DOCK1: variants seen among roughly 807,000 people sequenced by gnomAD.
DOCK1 encodes the protein dedicator of cytokinesis 1.
DOCK1 carries 138 observed loss-of-function variants against 262.7 expected under a neutral mutation model. The ratio of observed to expected loss-of-function variants is 0.53; its 90% CI spans 0.46 to 0.61. The LOEUF (loss-of-function observed/expected upper bound fraction) is 0.61, where lower values mean the gene tolerates loss of function less well. Among genes scored for constraint, DOCK1 ranks in the 20% least tolerant of loss-of-function variants. The pLI is 0.00. For synonymous variants in DOCK1, 866 were observed against 867.4 expected (o/e 1.00, Z 0.03); for missense variants, 1,908 against 2,370.7 (o/e 0.80, Z 4.05).
intron 33 of DOCK1, among the ~76,000 whole-genome samples, chr10:127,362,695 C>T (rs910978533): frequency 2.0e-5 from 3 of 152,138 alleles, no homozygotes; most frequent in Non-Finnish European, 4.4e-5. Flanking sequence ...ATAAAGTGCT[C>T]AAAACATACT....
intron 23 of DOCK1, among the ~76,000 whole-genome samples, chr10:127,097,538 G>A (rs1228703616): frequency 6.6e-6 from 1 of 152,118 alleles, no homozygotes; most frequent in Non-Finnish European, 1.5e-5. Flanking sequence ...GCCTGAGTGT[G>A]CATGGGACCC....
intron 1 of DOCK1, among the ~76,000 whole-genome samples, chr10:126,926,453 A>C (rs547408554): frequency 6.6e-6 from 1 of 152,190 alleles, no homozygotes; most frequent in Non-Finnish European, 1.5e-5. Context: ...ATGTCAACTT[A>C]AGGGAAAACA....
chr10:126,936,862 G>T (rs2034590054), intron 1 of DOCK1, among the ~76,000 whole-genome samples: 1 of 152,142 alleles, frequency 6.6e-6, no homozygotes, highest in African/African-American at 2.4e-5. Flanking sequence ...GGACATTCAT[G>T]TTGTGCAAAC....
intron 18 of DOCK1, among the ~76,000 whole-genome samples, chr10:127,032,591 T>G (rs1241069300): frequency 6.6e-6 from 1 of 152,218 alleles, no homozygotes; most frequent in Non-Finnish European, 1.5e-5. Flanking sequence ...TCTCGCTCTG[T>G]TGCCCAGGCT....
chr10:127,352,800 C>T (rs574250164), intron 31 of DOCK1, among the ~76,000 whole-genome samples: 1 of 152,248 alleles, frequency 6.6e-6, no homozygotes, highest in South Asian at 2.1e-4. Flanking sequence ...ACCATGTTGG[C>T]CAGGCTGGTC....
At chr10:127,318,017 G>A (rs904493477) in intron 29 of DOCK1, among the ~76,000 whole-genome samples, 1 of 152,120 alleles carries the variant, frequency 6.6e-6, no homozygotes, top group African/African-American at 2.4e-5. Context: ...AGCCTGTCTG[G>A]GGCATGGTCC....
At chr10:127,400,589 C>G (rs951580541) in intron 38 of DOCK1, among the ~76,000 whole-genome samples, 1 of 152,214 alleles carries the variant, frequency 6.6e-6, no homozygotes, top group Non-Finnish European at 1.5e-5. Context: ...CCAGTCTGAT[C>G]CCTAGATTCC....
At chr10:127,360,323 C>T (rs182315126) in intron 32 of DOCK1, among the ~76,000 whole-genome samples, 14 of 152,058 alleles carry the variant, frequency 9.2e-5, no homozygotes, top group Admixed American at 5.9e-4. Context: ...ATGGGGTCCC[C>T]GGCTGGGGTG....
intron 5 of DOCK1, among the ~76,000 whole-genome samples, chr10:126,989,944 T>C (rs2039674730): frequency 6.6e-6 from 1 of 152,116 alleles, no homozygotes; most frequent in Admixed American, 6.6e-5. Flanking sequence ...CCGCCCAGGG[T>C]GGAATGCTTC....
At chr10:127,392,543 G>C (rs1390075271) in intron 38 of DOCK1, among the ~76,000 whole-genome samples, 1 of 152,194 alleles carries the variant, frequency 6.6e-6, no homozygotes, top group Non-Finnish European at 1.5e-5. Flanking sequence ...CACAGGCACG[G>C]GGCTTTCAGG....
At chr10:127,419,578 C>T (rs1412583977) in intron 45 of DOCK1, 88 bp from the exon 46 acceptor site, 60 of 1,276,328 alleles carry the variant, frequency 4.7e-5, no homozygotes, top group Non-Finnish European at 6.2e-5. Context: ...ATGCACAGCT[C>T]TATTCTCAGG....
At chr10:127,261,051 ATG>A (rs61723661) in intron 29 of DOCK1, among the ~76,000 whole-genome samples, 16,674 of 94,104 alleles carry the variant, frequency 0.18, 1,463 homozygotes, top group East Asian at 0.28. Context: ...ACCCGTGCTC[ATG>A]TGTGTGTGCA....
At position 127,391,119 on chromosome 10, in the gene DOCK1, T is replaced by C. The variant is rs1164127617; in HGVS notation, c.3927+6210T>C. ...AGGAATATTTAAACAGCGAAAATAT[T>C]TCTGAAAGAGTTACAAAATGGGGAC... On this transcript the variant is annotated intron_variant, in intron 38 of 51. Transcript: ENST00000623213. 2.0e-5 allele frequency among the ~76,000 whole-genome samples: 3 copies of C among 152,318 alleles called. No individual in the cohort carries two copies. In the East Asian group the frequency reaches 5.8e-4, roughly 29 times the overall value.
At chr10:127,447,691 C>CA (rs758799082) in intron 51 of DOCK1, 146 bp downstream of exon 51, 1 of 1,308,962 alleles carries the variant, frequency 7.6e-7, no homozygotes, top group South Asian at 1.6e-5. Context: ...TTTGATTTTG[C>CA]AAAAAGATAT....
At chr10:127,358,326 T>A (rs576540054) in intron 32 of DOCK1, among the ~76,000 whole-genome samples, 118 of 151,996 alleles carry the variant, frequency 7.8e-4, no homozygotes, top group Middle Eastern at 3.4e-3. Context: ...TGGGACAGAG[T>A]GATGTGTTTC....
rs529532265 is a variant in DOCK1, at chr10:126,906,783, G to A, written c.46+1220G>A. On this transcript the variant is annotated intron_variant, in intron 1 of 51. Coordinates refer to ENST00000623213, the MANE Select transcript of DOCK1 (RefSeq NM_001290223.2). ...CGGAGCGCTCTCCTTTCTGTGAACA[G>A]TTGCTTCTCTCTGCTGTCAATGACT... 7.9e-5 allele frequency among the ~76,000 whole-genome samples: 12 copies of A among 152,332 alleles called. 1 individual carries two copies. The South Asian group carries it at 2.1e-3, about 26-fold the overall frequency.
chr10:127,331,266 T>C (rs2062967510), intron 29 of DOCK1, among the ~76,000 whole-genome samples: 1 of 152,096 alleles, frequency 6.6e-6, no homozygotes, highest in Non-Finnish European at 1.5e-5. Flanking sequence ...TTTTTGTTGT[T>C]GTTGTTGTTT....
At position 127,451,532 on chromosome 10, in the gene DOCK1, T is replaced by C; in HGVS notation, c.*105T>C. The C allele has an allele frequency of 6.5e-7, 1 of 1,528,598 alleles. No homozygotes were observed. Among genetic ancestry groups the C allele is most frequent in the Non-Finnish European group, 8.8e-7 (1 of 1,138,924 alleles). The allele number at this position is 1,528,598 out of a possible 1,614,324, so 94.7% of individuals were successfully genotyped here. A position where few individuals can be genotyped will look rare whatever the true frequency, so the allele number is the denominator to read the frequency against. On this transcript the variant is annotated 3_prime_UTR_variant, in exon 52 of 52. Coordinates refer to ENST00000623213, the MANE Select transcript of DOCK1 (RefSeq NM_001290223.2). Reference sequence around the variant, plus strand: ...GTTTACCTCATTGGGCCTGTGATGTTAACATTTCGTGCGACTGCTTTTTCT... The same window carrying C: ...GTTTACCTCATTGGGCCTGTGATGTCAACATTTCGTGCGACTGCTTTTTCT...
intron 33 of DOCK1, among the ~76,000 whole-genome samples, chr10:127,364,605 C>CCACT (rs2064794596): frequency 6.6e-6 from 1 of 152,160 alleles, no homozygotes; most frequent in South Asian, 2.1e-4. Context: ...ACCTCATGAT[C>CCACT]CACTCGCCTC....
Sources: gnomAD v4.1 joint callset for allele counts (sites outside exome capture counted in the v4.1 genomes callset) on GRCh38, gnomAD v4.1.1 for gene constraint, MANE v1.5 for transcripts, NCBI Gene and HGNC (gene_info 2026-07-23, HGNC 2026-07-21) for gene names.